KCNH5: variants seen among roughly 807,000 people sequenced by gnomAD.
KCNH5 encodes voltage-gated delayed rectifier potassium channel KCNH5.
In KCNH5, 46 loss-of-function variants were observed where a neutral mutation model predicts 96.1. The observed-to-expected ratio is 0.48, with a 90% CI of 0.38 to 0.61. The LOEUF (loss-of-function observed/expected upper bound fraction) is 0.61, where lower values mean the gene tolerates loss of function less well. Among genes scored for constraint, KCNH5 ranks in the 20% least tolerant of loss-of-function variants. The pLI is 0.00. For synonymous variants in KCNH5, 439 were observed against 449.8 expected (o/e 0.98, Z 0.30); for missense variants, 907 against 1,225.8 (o/e 0.74, Z 3.88).
intron 7 of KCNH5, among the ~76,000 whole-genome samples, chr14:62,943,814 A>T (rs1318668187): frequency 6.6e-6 from 1 of 152,162 alleles, no homozygotes; most frequent in Non-Finnish European, 1.5e-5. Context: ...CCAAGAGAAG[A>T]CAAATTTAAG....
chr14:63,041,902 A>G (rs1163072461), intron 1 of KCNH5, among the ~76,000 whole-genome samples: 1 of 152,130 alleles, frequency 6.6e-6, no homozygotes. Context: ...GTATTCTGGG[A>G]AACTGCATCT....
chr14:62,899,573 T>A (rs1320492604), intron 7 of KCNH5, among the ~76,000 whole-genome samples: 1 of 152,152 alleles, frequency 6.6e-6, no homozygotes, highest in East Asian at 1.9e-4. Context: ...GGCTCACGCC[T>A]GTAATCCCAG....
intron 9 of KCNH5, among the ~76,000 whole-genome samples, chr14:62,800,781 A>G (rs1210683376): frequency 6.6e-6 from 1 of 152,106 alleles, no homozygotes; most frequent in East Asian, 1.9e-4. Context: ...AATATGCTTC[A>G]TTTTACCACA....
At chr14:62,994,174 A>G (rs1890864761) in intron 4 of KCNH5, among the ~76,000 whole-genome samples, 1 of 151,998 alleles carries the variant, frequency 6.6e-6, no homozygotes, top group African/African-American at 2.4e-5. Flanking sequence ...ATTACATAGT[A>G]TAATTACTCA....
intron 10 of KCNH5, among the ~76,000 whole-genome samples, chr14:62,760,197 G>A (rs945730674): frequency 3.3e-5 from 5 of 152,080 alleles, no homozygotes; most frequent in African/African-American, 1.2e-4. Flanking sequence ...TGACATCCTA[G>A]TTTCTGAATT....
At chr14:63,044,027 A>T (rs532432506) in intron 1 of KCNH5, among the ~76,000 whole-genome samples, 1 of 152,296 alleles carries the variant, frequency 6.6e-6, no homozygotes, top group Non-Finnish European at 1.5e-5. Context: ...TGAATGAATA[A>T]ACAAGGCACT....
chr14:62,770,115 A>G (rs890010959), intron 10 of KCNH5, among the ~76,000 whole-genome samples: 7 of 152,078 alleles, frequency 4.6e-5, no homozygotes, highest in African/African-American at 1.7e-4. Context: ...TGAAGAAAAG[A>G]AAAAAAAGTA....
At chr14:62,850,393 G>A (rs756113449) in intron 7 of KCNH5, among the ~76,000 whole-genome samples, 4 of 152,184 alleles carry the variant, frequency 2.6e-5, no homozygotes, top group Non-Finnish European at 5.9e-5. Context: ...TGTGCTTCAT[G>A]TTTAGAAGGT....
intron 7 of KCNH5, among the ~76,000 whole-genome samples, chr14:62,943,304 T>C (rs1319285437): frequency 3.7e-4 from 57 of 152,154 alleles, no homozygotes; most frequent in Admixed American, 3.7e-3. Context: ...TAAAAACATA[T>C]GAAGACAAGA....
At position 62,819,123 on chromosome 14, in the gene KCNH5, C is replaced by T. The variant is rs570161243; in HGVS notation, c.1570-16542G>A. ...CTGGGACTACAGGTGCCCGCCACCA[C>T]GCCCAGCTAATTTTTTGTATTTTTC... On this transcript the variant is annotated intron_variant, in intron 8 of 10. Transcript: ENST00000322893. 5.3e-3 allele frequency among the ~76,000 whole-genome samples: 801 copies of T among 152,142 alleles called. 4 individuals carry two copies. Among genetic ancestry groups the T allele is most frequent in the African/African-American group, 0.018 (742 of 41,512 alleles).
intron 10 of KCNH5, among the ~76,000 whole-genome samples, chr14:62,746,621 T>A (rs1164811537): frequency 1.3e-5 from 2 of 152,240 alleles, no homozygotes; most frequent in Non-Finnish European, 2.9e-5. Context: ...CTCTAATTCA[T>A]GAGCTGCTCT....
rs1289618297 is a variant in KCNH5 at position 62,933,946 on chromosome 14, T to C, written c.1369+16187A>G. Among the ~76,000 whole-genome samples the C allele has an allele frequency of 6.6e-5, 10 of 152,242 alleles. No homozygotes were observed. In the East Asian group the frequency reaches 1.4e-3, roughly 21 times the overall value. On this transcript the variant is annotated intron_variant, in intron 7 of 10. Coordinates refer to ENST00000322893, the MANE Select transcript of KCNH5 (RefSeq NM_139318.5). Reference sequence around the variant, plus strand: ...ATCTCAGCTCTGTCTTCCCTGGTATTAGCCATTACCCAAATCCCAGTAGAA... The same window carrying C: ...ATCTCAGCTCTGTCTTCCCTGGTATCAGCCATTACCCAAATCCCAGTAGAA...
chr14:62,740,587 C>A (rs540868358), intron 10 of KCNH5, among the ~76,000 whole-genome samples: 5 of 152,182 alleles, frequency 3.3e-5, no homozygotes, highest in African/African-American at 1.2e-4. Flanking sequence ...GAGACATAAG[C>A]CCAAAAGGAT....
chr14:62,970,790 C>G (rs1890392235), intron 6 of KCNH5, among the ~76,000 whole-genome samples: 1 of 151,736 alleles, frequency 6.6e-6, no homozygotes, highest in Non-Finnish European at 1.5e-5. Flanking sequence ...TTTAACAACT[C>G]CAACATCGAT....
intron 7 of KCNH5, among the ~76,000 whole-genome samples, chr14:62,932,487 A>AC (rs1889599542): frequency 6.6e-6 from 1 of 151,578 alleles, no homozygotes; most frequent in African/African-American, 2.4e-5. Context: ...AAAAAAAAAA[A>AC]AAAACTAAAA....
At chr14:62,767,810 A>G (rs1177317541) in intron 10 of KCNH5, among the ~76,000 whole-genome samples, 2 of 152,174 alleles carry the variant, frequency 1.3e-5, no homozygotes, top group Non-Finnish European at 2.9e-5. Context: ...CCCCGAACCT[A>G]AAATAAAAGT....
At chr14:62,948,335 C>A (rs1018811685) in intron 7 of KCNH5, among the ~76,000 whole-genome samples, 2 of 151,972 alleles carry the variant, frequency 1.3e-5, no homozygotes, top group African/African-American at 4.8e-5. Context: ...ATATCACCAC[C>A]GATCCCACAG....
At chr14:62,773,445 T>A (rs1886032474) in intron 10 of KCNH5, among the ~76,000 whole-genome samples, 1 of 152,190 alleles carries the variant, frequency 6.6e-6, no homozygotes, top group Admixed American at 6.5e-5. Flanking sequence ...GTAGCACTTA[T>A]CTGACTCATG....
At position 63,025,798 on chromosome 14, in the gene KCNH5, T is replaced by A. The variant is rs1413623799; in HGVS notation, c.74-8844A>T. ...AAAACGTCCATACTACCCAAAGCAA[T>A]CCACAGATTCAATGTAATTCCAACC... On this transcript the variant is annotated intron_variant, in intron 1 of 10. Coordinates refer to ENST00000322893, the MANE Select transcript of KCNH5 (RefSeq NM_139318.5). Among the ~76,000 whole-genome samples, 5 of 151,118 alleles carry A rather than the reference T, an allele frequency of 3.3e-5. No individual in the cohort carries two copies. The East Asian group carries it at 9.7e-4, about 29-fold the overall frequency.
Sources: gnomAD v4.1 joint callset for allele counts (sites outside exome capture counted in the v4.1 genomes callset) on GRCh38, gnomAD v4.1.1 for gene constraint, MANE v1.5 for transcripts, NCBI Gene and HGNC (gene_info 2026-07-23, HGNC 2026-07-21) for gene names.